Variants in ADD2 observed in about 807,000 individuals in gnomAD.
ADD2 encodes the protein beta-adducin.
A neutral mutation model predicts 83.0 loss-of-function variants in ADD2; 23 were observed. That is an observed-to-expected ratio of 0.28 (90% CI 0.20 to 0.39). The LOEUF (loss-of-function observed/expected upper bound fraction) is 0.39, where lower values mean the gene tolerates loss of function less well. Among genes scored for constraint, ADD2 ranks in the 10% least tolerant of loss-of-function variants. The probability of loss-of-function intolerance (pLI) is 1.00; values close to 1 mark genes in which losing one functional copy is unlikely to be tolerated. For missense variants in ADD2, 758 were observed against 944.9 expected, an observed-to-expected ratio of 0.80 and a Z score of 2.59; for synonymous variants, 375 against 375.4, an observed-to-expected ratio of 1.00 and a Z score of 0.01.
intron 1 of ADD2, among the ~76,000 whole-genome samples, chr2:70,726,529 G>C (rs1377449894): frequency 2.0e-5 from 3 of 152,164 alleles, no homozygotes; most frequent in Non-Finnish European, 4.4e-5. Context: ...GTGAGAAAAA[G>C]GTTTTATGAT....
chr2:70,726,311 G>C lies in ADD2; in HGVS notation c.-153-13127C>G, dbSNP rs1673000927. Among the ~76,000 whole-genome samples the C allele has an allele frequency of 1.3e-5, 2 of 151,852 alleles. 1 individual carries two copies. Among genetic ancestry groups the C allele is most frequent in the Admixed American group, 1.3e-4 (2 of 15,260 alleles). ...CAGTCAGCCACAATGCTGGGCCACT[G>C]TGACAGCATATGAGAGCCCAGCTTT... On this transcript the variant is annotated intron_variant, in intron 1 of 15. Transcript: ENST00000264436.
At position 70,713,147 on chromosome 2, in the gene ADD2, C is replaced by T. The variant is rs1462085762; in HGVS notation, c.-116G>A. 7.1e-6 allele frequency: 7 copies of T among 985,340 alleles called. No homozygotes were observed. Among genetic ancestry groups the T allele is most frequent in the Non-Finnish European group, 8.4e-6 (7 of 830,030 alleles). 61.0% of individuals were successfully genotyped at this position (985,340 alleles called of 1,614,324 possible). ...CCCCTAGCTCCACTCTCAAGGGTGC[C>T]GGCCACATCTACACAACCTCAAACA... On this transcript the variant is annotated 5_prime_UTR_variant, in exon 2 of 16. Coordinates refer to ENST00000264436, the MANE Select transcript of ADD2 (RefSeq NM_001617.4).
At chr2:70,732,817 C>A (rs1673353548) in intron 1 of ADD2, among the ~76,000 whole-genome samples, 1 of 152,156 alleles carries the variant, frequency 6.6e-6, no homozygotes, top group African/African-American at 2.4e-5. Context: ...CTTTAGAATG[C>A]CACAGCTCAC....
At chr2:70,710,773 CT>C (rs1403775516) in intron 2 of ADD2, among the ~76,000 whole-genome samples, 1 of 152,222 alleles carries the variant, frequency 6.6e-6, no homozygotes, top group Non-Finnish European at 1.5e-5. Context: ...AAAATGGGGA[CT>C]GTAGTAAATT....
At chr2:70,704,271 C>T (rs1553373932) in intron 4 of ADD2, 50 bp downstream of exon 4, 3 of 1,279,012 alleles carry the variant, frequency 2.3e-6, no homozygotes, top group Non-Finnish European at 3.3e-6. Flanking sequence ...CTTCCCCACC[C>T]CACCCTCCCC....
intron 1 of ADD2, among the ~76,000 whole-genome samples, chr2:70,740,449 C>G (rs1673825939): frequency 6.6e-6 from 1 of 152,112 alleles, no homozygotes; most frequent in Non-Finnish European, 1.5e-5. Flanking sequence ...CAAACAGAAA[C>G]CTAATAGATT....
chr2:70,751,770 T>G (rs2104531361), intron 1 of ADD2, among the ~76,000 whole-genome samples: 1 of 152,338 alleles, frequency 6.6e-6, no homozygotes, highest in South Asian at 2.1e-4. Context: ...ACCAATCATT[T>G]ATCATCATAC....
intron 1 of ADD2, among the ~76,000 whole-genome samples, chr2:70,733,526 C>T (rs1673382414): frequency 6.6e-6 from 1 of 152,222 alleles, no homozygotes; most frequent in African/African-American, 2.4e-5. Context: ...AGTTTAATTT[C>T]CTCCCAGCAG....
At chr2:70,757,490 G>A (rs1275175732) in intron 1 of ADD2, among the ~76,000 whole-genome samples, 1 of 152,146 alleles carries the variant, frequency 6.6e-6, no homozygotes, top group African/African-American at 2.4e-5. Flanking sequence ...GTGTGGAATG[G>A]TTAAGCTGGA....
chr2:70,712,804 T>C (rs1553375688), intron 2 of ADD2, among the ~76,000 whole-genome samples: 2 of 152,210 alleles, frequency 1.3e-5, no homozygotes, highest in African/African-American at 2.4e-5. Flanking sequence ...TTCTCCCTGC[T>C]GGGAGTCAGA....
At chr2:70,746,419 C>T (rs1553381987) in intron 1 of ADD2, among the ~76,000 whole-genome samples, 1 of 152,180 alleles carries the variant, frequency 6.6e-6, no homozygotes, top group Non-Finnish European at 1.5e-5. Flanking sequence ...CTTGCAGCTG[C>T]TAATACTTAT....
At chr2:70,764,219 T>C (rs75904739) in intron 1 of ADD2, among the ~76,000 whole-genome samples, 3,061 of 151,992 alleles carry the variant, frequency 0.02, 52 homozygotes, top group Middle Eastern at 0.031. Context: ...AAGGTACCTA[T>C]TGGAGAGTTA....
intron 1 of ADD2, among the ~76,000 whole-genome samples, chr2:70,753,292 T>A (rs573402110): frequency 6.6e-6 from 1 of 152,204 alleles, no homozygotes; most frequent in East Asian, 1.9e-4. Context: ...ATGGAGGTCA[T>A]CTTCAATGAT....
At position 70,657,704 on chromosome 2, in the gene ADD2, G is replaced by T. The variant is rs1675407559; in HGVS notation, c.*5721C>A. 1.3e-5 allele frequency: 2 copies of T among 152,110 alleles called. No individual in the cohort carries two copies. Among genetic ancestry groups the T allele is most frequent in the Admixed American group, 6.5e-5 (1 of 15,282 alleles). 9.4% of individuals were successfully genotyped at this position (152,110 alleles called of 1,614,324 possible). On this transcript the variant is annotated 3_prime_UTR_variant, in exon 16 of 16. Coordinates refer to ENST00000264436, the MANE Select transcript of ADD2 (RefSeq NM_001617.4). ...TTTTAAACATTATACAAGATAATTT[G>T]CTGGGGGAGAGAAGAGTTTAGGGTC...
intron 4 of ADD2, among the ~76,000 whole-genome samples, chr2:70,697,480 A>G (rs1425587311): frequency 3.9e-5 from 6 of 152,234 alleles, no homozygotes; most frequent in African/African-American, 1.4e-4. Context: ...GGAAGGGAGC[A>G]GAGGGCATCT....
chr2:70,699,587 C>T (rs2104358657), intron 4 of ADD2, among the ~76,000 whole-genome samples: 2 of 152,128 alleles, frequency 1.3e-5, no homozygotes, highest in Non-Finnish European at 2.9e-5. Flanking sequence ...TCAGACCAGC[C>T]TGGGCAACAC....
rs782290439 is a variant in ADD2, at chr2:70,706,211, G to GTC, written c.183+13_183+14dup. On this transcript the variant is annotated intron_variant, in intron 3 of 15. Coordinates refer to ENST00000264436, the MANE Select transcript of ADD2 (RefSeq NM_001617.4). The surrounding 1 kb of genome is among the most constrained non-coding windows in gnomAD (Gnocchi z 5.0). ...GCCCCCTGCGCCCTCTCCCGCCCGG[G>GTC]TCAGCCCCACTCACGGGACTCTGCA... The GTC allele has an allele frequency of 1.4e-4, 218 of 1,610,544 alleles. No homozygotes were observed. In the African/African-American group the frequency reaches 1.9e-3, roughly 14 times the overall value.
chr2:70,673,064 G>T, intron 14 of ADD2, 58 bp from the exon 15 acceptor site: 1 of 1,578,960 alleles, frequency 6.3e-7, no homozygotes. Flanking sequence ...GATGGGCAGG[G>T]AAATAAAGCC....
At chr2:70,683,251 T>C (rs1553369866) in intron 10 of ADD2, among the ~76,000 whole-genome samples, 1 of 152,046 alleles carries the variant, frequency 6.6e-6, no homozygotes, top group Non-Finnish European at 1.5e-5. Context: ...ATGGTCTCAA[T>C]CTCCTGACCT....
Sources: gnomAD v4.1 joint callset for allele counts (sites outside exome capture counted in the v4.1 genomes callset) on GRCh38, gnomAD v4.1.1 for gene constraint, Gnocchi (gnomAD v3.1) non-coding constraint, MANE v1.5 for transcripts, NCBI Gene and HGNC (gene_info 2026-07-23, HGNC 2026-07-21) for gene names.